SCUBE1: variants seen among roughly 807,000 people sequenced by gnomAD.
The protein encoded by SCUBE1 is signal peptide, CUB and EGF-like domain-containing protein 1.
A neutral mutation model predicts 124.4 loss-of-function variants in SCUBE1; 59 were observed. That is an observed-to-expected ratio of 0.47 (90% CI 0.38 to 0.59). The LOEUF (loss-of-function observed/expected upper bound fraction) is 0.59, where lower values mean the gene tolerates loss of function less well. SCUBE1 is among the 20% of genes least tolerant of loss of function. The probability of loss-of-function intolerance (pLI) is 0.00; values close to 1 mark genes in which losing one functional copy is unlikely to be tolerated. For synonymous variants in SCUBE1, 545 were observed against 550.9 expected (o/e 0.99, Z 0.15); for missense variants, 1,150 against 1,371.2 (o/e 0.84, Z 2.55).
intron 6 of SCUBE1, among the ~76,000 whole-genome samples, chr22:43,243,499 G>A (rs746090904): frequency 3.3e-5 from 5 of 152,256 alleles, no homozygotes; most frequent in African/African-American, 7.2e-5. Flanking sequence ...GCCTGCCAGC[G>A]CTCTGACAGA....
intron 6 of SCUBE1, among the ~76,000 whole-genome samples, chr22:43,256,057 G>A (rs908957437): frequency 5.9e-5 from 9 of 152,176 alleles, no homozygotes; most frequent in African/African-American, 2.2e-4. Context: ...GATGCATTGA[G>A]ACAGCAGAGG....
rs970001094 is a variant in SCUBE1 at position 43,213,044 on chromosome 22, G to A, written c.2054-452C>T. 9 of 188,030 alleles carry A rather than the reference G, an allele frequency of 4.8e-5. No homozygotes were observed. The East Asian group carries it at 6.9e-4, about 14-fold the overall frequency. The allele number at this position is 188,030 out of a possible 1,614,324, so 11.6% of individuals were successfully genotyped here. On this transcript the variant is annotated intron_variant, in intron 16 of 21. Transcript: ENST00000360835. ...GGGCCAGGCCAGAGCAGAGGGAGGC[G>A]GGTCTGGGGAGGGTTTCTGAGGTAC...
intron 4 of SCUBE1, among the ~76,000 whole-genome samples, chr22:43,286,261 G>C (rs1925137200): frequency 6.6e-6 from 1 of 152,248 alleles, no homozygotes; most frequent in Admixed American, 6.5e-5. Context: ...TAAGTGACTT[G>C]CTCAAGGTCA....
chr22:43,224,664 C>A (rs945689116), intron 10 of SCUBE1, among the ~76,000 whole-genome samples: 11 of 152,144 alleles, frequency 7.2e-5, no homozygotes, highest in African/African-American at 2.4e-4. Context: ...CCTGTTCTGC[C>A]AACACGTGAA....
At chr22:43,297,718 C>A (rs1417266448) in intron 3 of SCUBE1, among the ~76,000 whole-genome samples, 1 of 152,212 alleles carries the variant, frequency 6.6e-6, no homozygotes, top group East Asian at 1.9e-4. Flanking sequence ...TTATTAATAG[C>A]TGGCTGTTTG....
chr22:43,335,277 C>T (rs144839527), intron 2 of SCUBE1, among the ~76,000 whole-genome samples: 342 of 152,234 alleles, frequency 2.2e-3, no homozygotes, highest in African/African-American at 7.8e-3. Context: ...GATGGTTCTC[C>T]GTGTTTATGT....
At chr22:43,274,711 C>T (rs1924430041) in intron 4 of SCUBE1, among the ~76,000 whole-genome samples, 1 of 152,202 alleles carries the variant, frequency 6.6e-6, no homozygotes, top group Non-Finnish European at 1.5e-5. Context: ...TGAGCAGCGT[C>T]CCCGAGCCCC....
intron 3 of SCUBE1, among the ~76,000 whole-genome samples, chr22:43,296,757 C>G (rs1925576819): frequency 6.9e-6 from 1 of 145,224 alleles, no homozygotes; most frequent in Admixed American, 7.3e-5. Flanking sequence ...GCCCTTCCCT[C>G]TTCCGGGCCA....
At chr22:43,289,409 T>C (rs1362577828) in intron 4 of SCUBE1, among the ~76,000 whole-genome samples, 2 of 152,180 alleles carry the variant, frequency 1.3e-5, no homozygotes, top group East Asian at 3.9e-4. Context: ...GTGGACAATG[T>C]GACAGCAGCA....
intron 21 of SCUBE1, among the ~76,000 whole-genome samples, chr22:43,204,628 A>C (rs1921145317): frequency 6.6e-6 from 1 of 151,382 alleles, no homozygotes; most frequent in Admixed American, 6.6e-5. Context: ...GATCATTGGC[A>C]TTAACTCTTG....
At chr22:43,300,509 A>G (rs562241793) in intron 3 of SCUBE1, among the ~76,000 whole-genome samples, 4 of 152,002 alleles carry the variant, frequency 2.6e-5, no homozygotes, top group Non-Finnish European at 4.4e-5. Context: ...AAACAGTCAC[A>G]AAGACTCCAG....
intron 4 of SCUBE1, among the ~76,000 whole-genome samples, chr22:43,277,938 C>T (rs1168460310): frequency 4.6e-5 from 7 of 152,290 alleles, no homozygotes; most frequent in African/African-American, 1.4e-4. Flanking sequence ...GCAGCTCTCC[C>T]TGCCCTGCAC....
intron 1 of SCUBE1, among the ~76,000 whole-genome samples, chr22:43,340,666 G>A (rs1927284583): frequency 6.6e-6 from 1 of 152,138 alleles, no homozygotes; most frequent in African/African-American, 2.4e-5. Context: ...TCTGTTATGG[G>A]TCAGTAGCTC....
chr22:43,286,927 G>T lies in SCUBE1; in HGVS notation c.484+4119C>A, dbSNP rs559395152. Reference sequence around the variant, plus strand: ...GAAAAGGAGACAGTTCCTCCAGGAGGCCACATCTTCCTGTGGCATCAATCC... The same window carrying T: ...GAAAAGGAGACAGTTCCTCCAGGAGTCCACATCTTCCTGTGGCATCAATCC... On this transcript the variant is annotated intron_variant, in intron 4 of 21. Coordinates refer to ENST00000360835, the MANE Select transcript of SCUBE1 (RefSeq NM_173050.5). Among the ~76,000 whole-genome samples, 6 of 152,356 alleles carry T rather than the reference G, an allele frequency of 3.9e-5. No individual in the cohort carries two copies. In the East Asian group the frequency reaches 1.2e-3, roughly 29 times the overall value.
At chr22:43,329,380 A>G (rs73889212) in intron 2 of SCUBE1, among the ~76,000 whole-genome samples, 7,232 of 152,332 alleles carry the variant, frequency 0.047, 583 homozygotes, top group African/African-American at 0.17. Context: ...AGCTGCCCAC[A>G]GCGAGGGTCC....
intron 4 of SCUBE1, among the ~76,000 whole-genome samples, chr22:43,279,590 G>A (rs1404936081): frequency 1.3e-5 from 2 of 152,234 alleles, no homozygotes; most frequent in Non-Finnish European, 2.9e-5. Context: ...TCTATCTTTA[G>A]AAATTACCCA....
intron 4 of SCUBE1, among the ~76,000 whole-genome samples, chr22:43,263,375 G>T (rs1923944522): frequency 6.6e-6 from 1 of 152,228 alleles, no homozygotes; most frequent in Non-Finnish European, 1.5e-5. Flanking sequence ...GGGGTCAAGT[G>T]AGAGGTTGTA....
chr22:43,287,076 C>T (rs1053646776), intron 4 of SCUBE1, among the ~76,000 whole-genome samples: 2 of 152,028 alleles, frequency 1.3e-5, no homozygotes, highest in Admixed American at 1.3e-4. Flanking sequence ...GGGGCTGTGG[C>T]CAGAGGAGGG....
intron 1 of SCUBE1, among the ~76,000 whole-genome samples, chr22:43,339,742 T>C (rs771075647): frequency 6.8e-5 from 5 of 72,996 alleles, no homozygotes; most frequent in Admixed American, 2.1e-4. Flanking sequence ...CCCACAAGCA[T>C]AGCTCCAACC....
Sources: gnomAD v4.1 joint callset for allele counts (sites outside exome capture counted in the v4.1 genomes callset) on GRCh38, gnomAD v4.1.1 for gene constraint, MANE v1.5 for transcripts, NCBI Gene and HGNC (gene_info 2026-07-23, HGNC 2026-07-21) for gene names.